The following GPR137B variants were observed in gnomAD, a reference collection of about 807,000 sequenced individuals.
The protein encoded by GPR137B is integral membrane protein GPR137B.
In GPR137B, 42 loss-of-function variants were observed where a neutral mutation model predicts 42.5. The observed-to-expected ratio is 0.99, with a 90% CI of 0.77 to 1.28. The LOEUF (loss-of-function observed/expected upper bound fraction) is 1.28. Among genes scored for constraint, GPR137B ranks in the 50% most tolerant of loss-of-function variants. The pLI is 0.00. For missense variants in GPR137B, 487 were observed against 493.9 expected, an observed-to-expected ratio of 0.99 and a Z score of 0.13; for synonymous variants, 218 against 209.7, an observed-to-expected ratio of 1.04 and a Z score of -0.34.
intron 5 of GPR137B, among the ~76,000 whole-genome samples, chr1:236,200,430 C>A (rs1174846785): frequency 6.6e-6 from 1 of 151,906 alleles, no homozygotes; most frequent in Non-Finnish European, 1.5e-5. Flanking sequence ...GATGGCTTGT[C>A]TAGTGCTGTC....
At chr1:236,177,429 T>G (rs1571987223) in intron 2 of GPR137B, among the ~76,000 whole-genome samples, 2 of 152,190 alleles carry the variant, frequency 1.3e-5, no homozygotes, top group Non-Finnish European at 2.9e-5. Context: ...TCCTAGTCTT[T>G]CCATAGATTT....
chr1:236,176,107 T>C (rs2102908515), intron 2 of GPR137B, among the ~76,000 whole-genome samples: 1 of 152,192 alleles, frequency 6.6e-6, no homozygotes, highest in Admixed American at 6.5e-5. Context: ...GCTGCCCCTC[T>C]CATGCCCACA....
intron 1 of GPR137B, among the ~76,000 whole-genome samples, chr1:236,144,981 C>T (rs1178885721): frequency 2.0e-5 from 3 of 152,350 alleles, no homozygotes; most frequent in Middle Eastern, 6.8e-3. Flanking sequence ...GAAACAGTGA[C>T]CAGGCAGACA....
At position 236,183,828 on chromosome 1, in the gene GPR137B, G is replaced by A. The variant is rs1662948300; in HGVS notation, c.888G>A (p.Val296=). The A allele has an allele frequency of 3.7e-6, 6 of 1,602,378 alleles. No individual in the cohort carries two copies. The highest frequency in any genetic ancestry group is 5.1e-6 in the Non-Finnish European group (6 of 1,169,670). ...LGDAGYVLFG[V]VLFVWELLPT... ...ATGCTGGATACGTATTATTTGGAGT[G>A]GTGTTATTTGTTTGGGAACTCTTAC... Residue 296 remains valine, a synonymous_variant, in exon 5 of 7, where the codon GTG becomes GTA. Transcript: ENST00000366592.
chr1:236,145,958 A>G (rs1002682278), intron 1 of GPR137B, among the ~76,000 whole-genome samples: 1 of 152,164 alleles, frequency 6.6e-6, no homozygotes, highest in African/African-American at 2.4e-5. Context: ...CCTGGATTCA[A>G]GCGATTCTCC....
rs548379377 is a variant in GPR137B at position 236,190,418 on chromosome 1, T to A, written c.966+6512T>A. On this transcript the variant is annotated intron_variant, in intron 5 of 6. Transcript: ENST00000366592. ...TTGCCCATTAGTTGATGCAGCTTCT[T>A]TATAGTGTTGACGGGCTTTACAATT... Among the ~76,000 whole-genome samples the A allele has an allele frequency of 8.7e-4, 132 of 152,332 alleles. 3 individuals are homozygous for A. The Middle Eastern group carries it at 0.01, about 12-fold the overall frequency.
At chr1:236,177,563 TG>T (rs1268281338) in intron 2 of GPR137B, among the ~76,000 whole-genome samples, 4 of 104,638 alleles carry the variant, frequency 3.8e-5, no homozygotes, top group Admixed American at 1.0e-4. Context: ...TTTTTGTTTT[TG>T]TTTTTTTTTG....
chr1:236,159,453 CAGG>C (rs1472990275), intron 1 of GPR137B, among the ~76,000 whole-genome samples: 4 of 151,622 alleles, frequency 2.6e-5, no homozygotes, highest in Admixed American at 6.6e-5. Context: ...ATCACGAGAT[CAGG>C]AGTTCAAGAC....
chr1:236,168,375 A>G (rs1436485921), intron 1 of GPR137B, among the ~76,000 whole-genome samples: 2 of 150,182 alleles, frequency 1.3e-5, no homozygotes, highest in East Asian at 2.0e-4. Flanking sequence ...GTGAGCCGAG[A>G]TGGCGCCATT....
chr1:236,144,703 G>A (rs1661634822), intron 1 of GPR137B, among the ~76,000 whole-genome samples: 1 of 152,230 alleles, frequency 6.6e-6, no homozygotes, highest in African/African-American at 2.4e-5. Flanking sequence ...AGACACTTGG[G>A]TTTTGTAATT....
intron 1 of GPR137B, among the ~76,000 whole-genome samples, chr1:236,162,516 C>T (rs985707362): frequency 2.0e-5 from 3 of 152,228 alleles, no homozygotes; most frequent in African/African-American, 7.2e-5. Flanking sequence ...ATGTCAGAGA[C>T]CTTCATGGCA....
Position 236,184,829 on chromosome 1 carries a change from C to T in GPR137B, c.966+923C>T, listed in dbSNP as rs1472808512. Among the ~76,000 whole-genome samples, 8 of 152,032 alleles carry T rather than the reference C, an allele frequency of 5.3e-5. No homozygotes were observed. The East Asian group carries it at 9.7e-4, about 18-fold the overall frequency. ...TCACCCAAGCTGGAGTGTAGTGGCG[C>T]GATCTCAGCTCACTGCAACCTCCGC... On this transcript the variant is annotated intron_variant, in intron 5 of 6. Transcript: ENST00000366592.
intron 2 of GPR137B, among the ~76,000 whole-genome samples, chr1:236,176,803 G>T (rs1662701999): frequency 6.6e-6 from 1 of 152,208 alleles, no homozygotes; most frequent in Non-Finnish European, 1.5e-5. Flanking sequence ...CCTACAGTGT[G>T]GATGGAGAGA....
At chr1:236,191,945 T>C (rs1279094883) in intron 5 of GPR137B, among the ~76,000 whole-genome samples, 1 of 152,168 alleles carries the variant, frequency 6.6e-6, no homozygotes, top group Non-Finnish European at 1.5e-5. Flanking sequence ...TTCCCCCAAG[T>C]GCTCTGTCCC....
At chr1:236,204,277 A>G (rs1176578851) in intron 5 of GPR137B, among the ~76,000 whole-genome samples, 1 of 152,204 alleles carries the variant, frequency 6.6e-6, no homozygotes, top group Non-Finnish European at 1.5e-5. Flanking sequence ...ATGATGAATA[A>G]TCTTTCCAAT....
At position 236,186,270 on chromosome 1, in the gene GPR137B, T is replaced by TATATATA. The variant is rs1382996001; in HGVS notation, c.966+2368_966+2374dup. Among the ~76,000 whole-genome samples the TATATATA allele has an allele frequency of 1.0e-3, 50 of 49,132 alleles. 7 individuals are homozygous for TATATATA. In the Admixed American group the frequency reaches 0.012, roughly 11 times the overall value. The allele number at this position is 49,132 out of a possible 152,430, so 32.2% of individuals were successfully genotyped here. A position where few individuals can be genotyped will look rare whatever the true frequency, so the allele number is the denominator to read the frequency against. On this transcript the variant is annotated intron_variant, in intron 5 of 6. Coordinates refer to ENST00000366592, the MANE Select transcript of GPR137B (RefSeq NM_003272.4). ...ATAATATATAATATATATTATATAT[T>TATATATA]ATATATAATAATATAAATAATATAT... is the stretch of plus-strand genomic sequence containing the variant.
intron 4 of GPR137B, among the ~76,000 whole-genome samples, chr1:236,182,402 T>A (rs913339591): frequency 3.9e-5 from 6 of 152,230 alleles, no homozygotes; most frequent in African/African-American, 1.4e-4. Flanking sequence ...ACTCTATATA[T>A]GGAGGAGTGG....
intron 4 of GPR137B, among the ~76,000 whole-genome samples, chr1:236,182,703 C>T (rs1309018618): frequency 6.6e-6 from 1 of 151,796 alleles, no homozygotes. Context: ...CCACTGCACT[C>T]CATCCTGGGT....
chr1:236,207,960 C>A, intron 6 of GPR137B, 90 bp from the exon 7 acceptor site: 1 of 900,986 alleles, frequency 1.1e-6, no homozygotes, highest in Non-Finnish European at 1.7e-6. Context: ...ATAGTTTACA[C>A]AAAAATCTCA....
Sources: gnomAD v4.1 joint callset for allele counts (sites outside exome capture counted in the v4.1 genomes callset) on GRCh38, gnomAD v4.1.1 for gene constraint, MANE v1.5 for transcripts, NCBI Gene and HGNC (gene_info 2026-07-23, HGNC 2026-07-21) for gene names.